Variants in SMNDC1 observed in about 807,000 individuals in gnomAD.
SMNDC1 encodes the protein survival of motor neuron-related-splicing factor 30.
In SMNDC1, 5 loss-of-function variants were observed where a neutral mutation model predicts 29.2. The observed-to-expected ratio is 0.17, with a 90% CI of 0.09 to 0.36. SMNDC1 has a LOEUF of 0.36. SMNDC1 is among the 10% of genes least tolerant of loss of function. The pLI is 1.00. For synonymous variants in SMNDC1, 80 were observed against 89.9 expected (o/e 0.89, Z 0.62); for missense variants, 142 against 268.5 (o/e 0.53, Z 3.29).
intron 2 of SMNDC1, among the ~76,000 whole-genome samples, chr10:110,302,991 GTT>G (rs1857677396): frequency 6.6e-6 from 1 of 151,584 alleles, no homozygotes; most frequent in African/African-American, 2.4e-5. Context: ...TTTGTGGTGT[GTT>G]TTCAATACAA....
intron 2 of SMNDC1, among the ~76,000 whole-genome samples, chr10:110,299,298 G>A (rs989467460): frequency 2.0e-5 from 3 of 152,098 alleles, no homozygotes; most frequent in African/African-American, 7.2e-5. Context: ...AATACTACAG[G>A]CAATGTAAAA....
At chr10:110,294,383 C>T (rs1451192058) in intron 5 of SMNDC1, 96 bp from the exon 6 acceptor site, 8 of 1,056,058 alleles carry the variant, frequency 7.6e-6, no homozygotes, top group Admixed American at 5.8e-5. Flanking sequence ...CTGGTTTCAA[C>T]GTTTAAAAGA....
rs955677603 is a variant in SMNDC1, at chr10:110,291,836, G to A, written c.*2314C>T. ...AAAACTCAACATTTTATTTTCGGGA[G>A]GTTAGGACTGTTCTTTCCTTGAAAT... On this transcript the variant is annotated 3_prime_UTR_variant, in exon 6 of 6. Transcript: ENST00000369603. 6.6e-6 allele frequency: 1 copy of A among 152,134 alleles called. No individual in the cohort carries two copies. The highest frequency in any genetic ancestry group is 1.5e-5 in the Non-Finnish European group (1 of 68,020). 9.4% of individuals were successfully genotyped at this position (152,134 alleles called of 1,614,324 possible). A position where few individuals can be genotyped will look rare whatever the true frequency, so the allele number is the denominator to read the frequency against.
Position 110,290,986 on chromosome 10 carries a change from T to C in SMNDC1, c.*3164A>G, listed in dbSNP as rs1048924692. The C allele has an allele frequency of 3.3e-5, 5 of 152,200 alleles. No homozygotes were observed. The highest frequency in any genetic ancestry group is 3.3e-4 in the Admixed American group (5 of 15,286). The allele number at this position is 152,200 out of a possible 1,614,324, so 9.4% of individuals were successfully genotyped here. A position where few individuals can be genotyped will look rare whatever the true frequency, so the allele number is the denominator to read the frequency against. ...TATTTTTAAGGCAGACATTTGGCAT[T>C]AGAATTGCATACTGGAAACAGACAC... On this transcript the variant is annotated 3_prime_UTR_variant, in exon 6 of 6. Coordinates refer to ENST00000369603, the MANE Select transcript of SMNDC1 (RefSeq NM_005871.4).
At chr10:110,303,336 C>T in intron 2 of SMNDC1, 132 bp downstream of exon 2, 1 of 685,178 alleles carries the variant, frequency 1.5e-6, no homozygotes, top group Non-Finnish European at 2.3e-6. Context: ...CTTCTACAAG[C>T]AATGGTACCT....
chr10:110,294,591 A>C (rs922397466), intron 5 of SMNDC1, among the ~76,000 whole-genome samples: 2 of 152,206 alleles, frequency 1.3e-5, no homozygotes, highest in African/African-American at 4.8e-5. Flanking sequence ...TAGCCATTCT[A>C]GCATGATTAA....
chr10:110,299,990 A>T (rs1450091447), intron 2 of SMNDC1, among the ~76,000 whole-genome samples: 1 of 152,230 alleles, frequency 6.6e-6, no homozygotes, highest in Non-Finnish European at 1.5e-5. Flanking sequence ...CATTAATTAG[A>T]TCTTTTTAAT....
intron 1 of SMNDC1, chr10:110,304,014 T>G (rs1857699424): frequency 6.4e-6 from 1 of 156,158 alleles, no homozygotes. Context: ...CAAGTGCGTT[T>G]TTAAATTAAC....
chr10:110,297,668 A>G lies in SMNDC1; in HGVS notation c.324T>C (p.Phe108=), dbSNP rs1415265853. 3 of 1,613,900 alleles carry G rather than the reference A, an allele frequency of 1.9e-6. No homozygotes were observed. Among genetic ancestry groups the G allele is most frequent in the Non-Finnish European group, 2.5e-6 (3 of 1,179,958 alleles). ...DEENGTAAIT[F]AGYGNAEVTP... ...TCACTTCAGCATTGCCATAACCAGC[A>G]AAGGTGATTGCAGCGGTGCCATTTT... The change falls in exon 4 of 6, where the codon TTT becomes TTC. Residue 108 remains phenylalanine (F), a synonymous_variant. Transcript: ENST00000369603.
rs1857584316 is a variant in SMNDC1 at position 110,297,632 on chromosome 10, C to T, written c.360G>A (p.Leu120=). The change falls in exon 4 of 6, where the codon TTG becomes TTA. Residue 120 remains leucine (L), a synonymous_variant. Transcript: ENST00000369603. ...GYGNAEVTPL[L]NLKPVEEGRK... ...TTCCTTCTTCTACAGGCTTGAGGTT[C>T]AACAGTGGAGTCACTTCAGCATTGC... 6.2e-7 allele frequency: 1 copy of T among 1,613,852 alleles called. No homozygotes were observed. Among genetic ancestry groups the T allele is most frequent in the Non-Finnish European group, 8.5e-7 (1 of 1,179,958 alleles).
In SMNDC1 at chr10:110,298,743, C is replaced by T. The variant is rs751020128; in HGVS notation, c.168G>A (p.Glu56=). The change falls in exon 3 of 6, where the codon GAG becomes GAA. Residue 56 remains glutamate, a synonymous_variant. Transcript: ENST00000369603. The part of the protein sequence containing the change: ...TKDLLSTQPS[E]TLASSDSFAS... ...CAAAACTGTCTGAACTTGCAAGCGT[C>T]TCAGAAGGTTGAGTTGACAGAAGGT... The T allele has an allele frequency of 1.9e-5, 31 of 1,613,566 alleles. No homozygotes were observed. The highest frequency in any genetic ancestry group is 2.5e-5 in the Non-Finnish European group (29 of 1,179,764).
chr10:110,302,070 G>T (rs191692153), intron 2 of SMNDC1, among the ~76,000 whole-genome samples: 1 of 152,264 alleles, frequency 6.6e-6, no homozygotes, highest in Admixed American at 6.5e-5. Context: ...AAAAAGGACT[G>T]CTTAAGTTGG....
intron 4 of SMNDC1, among the ~76,000 whole-genome samples, chr10:110,295,972 T>G (rs1407884919): frequency 6.6e-6 from 1 of 152,196 alleles, no homozygotes; most frequent in Non-Finnish European, 1.5e-5. Context: ...TACTTTTGTA[T>G]AGCTGTTACC....
intron 2 of SMNDC1, among the ~76,000 whole-genome samples, chr10:110,300,246 A>T (rs112114515): frequency 6.6e-6 from 1 of 152,210 alleles, no homozygotes; most frequent in Non-Finnish European, 1.5e-5. Flanking sequence ...TTAGAACTCT[A>T]TTTCTTTTAG....
chr10:110,296,758 T>C (rs77152463), intron 4 of SMNDC1, among the ~76,000 whole-genome samples: 2,933 of 152,300 alleles, frequency 0.019, 48 homozygotes, highest in African/African-American at 0.033. Flanking sequence ...CTTTATGTTC[T>C]GGACTTTACC....
At chr10:110,297,159 G>C (rs1397369796) in intron 4 of SMNDC1, among the ~76,000 whole-genome samples, 1 of 152,106 alleles carries the variant, frequency 6.6e-6, no homozygotes, top group African/African-American at 2.4e-5. Context: ...AGTACCTCTT[G>C]TTCCCTTACA....
At chr10:110,304,255 G>A (rs1481018308) in intron 1 of SMNDC1, 6 of 152,122 alleles carry the variant, frequency 3.9e-5, no homozygotes, top group African/African-American at 1.2e-4. Flanking sequence ...CTTTTTTGAT[G>A]GTTTATAAGC....
At chr10:110,302,456 C>T (rs915882620) in intron 2 of SMNDC1, among the ~76,000 whole-genome samples, 6 of 152,136 alleles carry the variant, frequency 3.9e-5, no homozygotes, top group Admixed American at 1.3e-4. Context: ...ATCTTAATTA[C>T]GCCCAGATAA....
Position 110,298,633 on chromosome 10 carries a change from T to C in SMNDC1, c.263+15A>G. On this transcript the variant is annotated intron_variant, in intron 3 of 5. Transcript: ENST00000369603. ...TATTTCATGTTATAGTTAGAGTTTT[T>C]TTTTCTACACTTACTGTCCATCTTC... 1 of 1,587,156 alleles carries C rather than the reference T, an allele frequency of 6.3e-7. No individual in the cohort carries two copies.
Sources: gnomAD v4.1 joint callset for allele counts (sites outside exome capture counted in the v4.1 genomes callset) on GRCh38, gnomAD v4.1.1 for gene constraint, MANE v1.5 for transcripts, NCBI Gene and HGNC (gene_info 2026-07-23, HGNC 2026-07-21) for gene names.